CTNNA3: variants seen among roughly 807,000 people sequenced by gnomAD.
The protein encoded by CTNNA3 is catenin alpha-3.
CTNNA3 carries 76 observed loss-of-function variants against 95.7 expected under a neutral mutation model. The observed-to-expected ratio is 0.79, with a 90% confidence interval of 0.66 to 0.96. The LOEUF is 0.96. CTNNA3 is among the 40% of genes least tolerant of loss of function. The pLI, the probability that CTNNA3 is intolerant of heterozygous loss-of-function variation, is 0.00. For missense variants in CTNNA3, 1,191 were observed against 1,089.8 expected, an observed-to-expected ratio of 1.09 and a Z score of -1.31; for synonymous variants, 431 against 374.4, an observed-to-expected ratio of 1.15 and a Z score of -1.74.
chr10:66,635,762 C>A (rs1235184381), intron 9 of CTNNA3, among the ~76,000 whole-genome samples: 1 of 152,114 alleles, frequency 6.6e-6, no homozygotes, highest in Non-Finnish European at 1.5e-5. Context: ...AAGAACGGGT[C>A]TCTTAGTAGA....
At chr10:66,309,685 CAAAAAAAAAAA>C (rs60400266) in intron 12 of CTNNA3, among the ~76,000 whole-genome samples, 2 of 41,770 alleles carry the variant, frequency 4.8e-5, no homozygotes, top group Admixed American at 8.0e-4. Context: ...GACTCCGTCT[CAAAAAAAAAAA>C]AAAAAAAAAA....
Position 66,733,216 on chromosome 10 carries a change from A to T in CTNNA3, c.1281+33048T>A, listed in dbSNP as rs112560194. Reference sequence around the variant, plus strand: ...ATCTTCTTTCTTTGCCAAAGCAAAAACTGCTAACATTTTTAAAATTTTCTT... The same window carrying T: ...ATCTTCTTTCTTTGCCAAAGCAAAATCTGCTAACATTTTTAAAATTTTCTT... On this transcript the variant is annotated intron_variant, in intron 9 of 17. Coordinates refer to ENST00000433211, the MANE Select transcript of CTNNA3 (RefSeq NM_013266.4). Among the ~76,000 whole-genome samples, 376 of 152,314 alleles carry T rather than the reference A, an allele frequency of 2.5e-3. 1 individual carries two copies. The highest frequency in any genetic ancestry group is 8.3e-3 in the African/African-American group (346 of 41,570).
intron 1 of CTNNA3, among the ~76,000 whole-genome samples, chr10:67,664,577 G>GT (rs944238469): frequency 2.6e-3 from 390 of 151,620 alleles, no homozygotes; most frequent in Middle Eastern, 0.017. Flanking sequence ...TTATTTTATT[G>GT]TTTTTTTTCT....
chr10:67,086,586 A>G (rs942885119), intron 7 of CTNNA3, among the ~76,000 whole-genome samples: 1 of 151,998 alleles, frequency 6.6e-6, no homozygotes, highest in African/African-American at 2.4e-5. Context: ...TCTGTTTTAT[A>G]AAGAATGTGA....
chr10:67,352,210 C>G (rs1391740853), intron 5 of CTNNA3, among the ~76,000 whole-genome samples: 2 of 151,934 alleles, frequency 1.3e-5, no homozygotes, highest in Non-Finnish European at 2.9e-5. Flanking sequence ...ACAAAAAGCA[C>G]ATCAACCAGA....
chr10:65,990,268 C>G (rs1014290083), intron 15 of CTNNA3, among the ~76,000 whole-genome samples: 12 of 151,712 alleles, frequency 7.9e-5, no homozygotes, highest in African/African-American at 2.9e-4. Flanking sequence ...CTAGATCATA[C>G]GTTAGTACTA....
intron 3 of CTNNA3, among the ~76,000 whole-genome samples, chr10:67,568,998 C>G (rs973664996): frequency 6.6e-6 from 1 of 152,132 alleles, no homozygotes. Flanking sequence ...AGACGCAGTT[C>G]GTTCTTCATT....
intron 11 of CTNNA3, among the ~76,000 whole-genome samples, chr10:66,383,074 A>G (rs2092855496): frequency 6.6e-6 from 1 of 152,218 alleles, no homozygotes. Context: ...GCAATGGAAC[A>G]AAGCTGGATG....
chr10:66,290,336 T>C (rs1273146190), intron 12 of CTNNA3, among the ~76,000 whole-genome samples: 1 of 151,986 alleles, frequency 6.6e-6, no homozygotes, highest in Non-Finnish European at 1.5e-5. Flanking sequence ...GGTACAGCAA[T>C]TAAGTATAAA....
intron 7 of CTNNA3, among the ~76,000 whole-genome samples, chr10:67,004,138 T>C (rs1158294465): frequency 6.6e-6 from 1 of 151,570 alleles, no homozygotes; most frequent in Non-Finnish European, 1.5e-5. Context: ...GCCATGGCTG[T>C]GTATCAGCCA....
At chr10:66,819,307 A>C (rs942031914) in intron 7 of CTNNA3, among the ~76,000 whole-genome samples, 2 of 152,102 alleles carry the variant, frequency 1.3e-5, no homozygotes, top group Non-Finnish European at 2.9e-5. Flanking sequence ...ATGATGTTGG[A>C]TCTCTATCTT....
intron 13 of CTNNA3, among the ~76,000 whole-genome samples, chr10:66,271,670 C>T (rs1457928508): frequency 6.6e-6 from 1 of 152,176 alleles, no homozygotes; most frequent in South Asian, 2.1e-4. Flanking sequence ...TCCTTATATT[C>T]AGCTACTTTG....
chr10:66,693,719 T>C (rs1447796703), intron 9 of CTNNA3, among the ~76,000 whole-genome samples: 2 of 151,980 alleles, frequency 1.3e-5, no homozygotes, highest in African/African-American at 4.8e-5. Flanking sequence ...AAGTAAAGCT[T>C]TCCTCAGCAA....
chr10:67,335,456 G>T (rs1436538973), intron 5 of CTNNA3, among the ~76,000 whole-genome samples: 2 of 152,152 alleles, frequency 1.3e-5, no homozygotes, highest in Non-Finnish European at 2.9e-5. Flanking sequence ...GTTTGTTTTT[G>T]AACTGTGTGG....
chr10:66,157,491 GTAGATAGA>G (rs34507083), intron 13 of CTNNA3, among the ~76,000 whole-genome samples: 28,518 of 147,204 alleles, frequency 0.19, 2,875 homozygotes, highest in Non-Finnish European at 0.2. Context: ...AGATAGATAT[GTAGATAGA>G]TAGATAGATA....
chr10:67,032,068 T>C (rs561226758), intron 7 of CTNNA3, among the ~76,000 whole-genome samples: 1 of 152,330 alleles, frequency 6.6e-6, no homozygotes, highest in South Asian at 2.1e-4. Context: ...AGGTAGGTCA[T>C]GTACATTTCA....
intron 7 of CTNNA3, among the ~76,000 whole-genome samples, chr10:66,866,406 A>G (rs1424451613): frequency 1.3e-5 from 2 of 152,230 alleles, no homozygotes; most frequent in African/African-American, 4.8e-5. Context: ...CATCATCATA[A>G]TTGCTCAACA....
At chr10:66,408,051 C>T (rs1346043534) in intron 11 of CTNNA3, among the ~76,000 whole-genome samples, 1 of 152,108 alleles carries the variant, frequency 6.6e-6, no homozygotes, top group Non-Finnish European at 1.5e-5. Context: ...TGCAAATAAC[C>T]TACGTGCATC....
At chr10:66,396,776 C>T (rs2092981323) in intron 11 of CTNNA3, among the ~76,000 whole-genome samples, 1 of 151,824 alleles carries the variant, frequency 6.6e-6, no homozygotes, top group Admixed American at 6.6e-5. Flanking sequence ...AAAGAAGATG[C>T]TTTTCTATGC....
Sources: gnomAD v4.1 joint callset for allele counts (sites outside exome capture counted in the v4.1 genomes callset) on GRCh38, gnomAD v4.1.1 for gene constraint, MANE v1.5 for transcripts, NCBI Gene and HGNC (gene_info 2026-07-23, HGNC 2026-07-21) for gene names.